KDM2A: variants seen among roughly 807,000 people sequenced by gnomAD.
The protein encoded by KDM2A is lysine demethylase 2A, also known as lysine-specific demethylase 2A.
A neutral mutation model predicts 137.3 loss-of-function variants in KDM2A; 3 were observed. That is an observed-to-expected ratio of 0.02 (90% confidence interval 0.01 to 0.06). KDM2A has a LOEUF of 0.06. Among genes scored for constraint, KDM2A ranks in the 10% least tolerant of loss-of-function variants. The pLI is 1.00. For missense variants in KDM2A, 738 were observed against 1,510.6 expected, an observed-to-expected ratio of 0.49 and a Z score of 8.48; for synonymous variants, 512 against 541.5, an observed-to-expected ratio of 0.95 and a Z score of 0.76.
At chr11:67,224,874 T>C (rs997641929) in intron 10 of KDM2A, among the ~76,000 whole-genome samples, 3 of 127,760 alleles carry the variant, frequency 2.3e-5, no homozygotes, top group Non-Finnish European at 3.2e-5. Context: ...AGAGTTTCGC[T>C]GCTGTTGTCC....
At chr11:67,214,222 T>TTTTTTTTTTG (rs1565407441) in intron 6 of KDM2A, among the ~76,000 whole-genome samples, 3 of 146,654 alleles carry the variant, frequency 2.0e-5, no homozygotes, top group African/African-American at 5.0e-5. Flanking sequence ...TTTTTTTTTT[T>TTTTTTTTTTG]GAGACGGAGT....
chr11:67,135,160 C>A (rs961366495), intron 2 of KDM2A, among the ~76,000 whole-genome samples: 76 of 151,264 alleles, frequency 5.0e-4, no homozygotes, highest in African/African-American at 1.7e-3. Flanking sequence ...CCTCCGCCTT[C>A]TGGGTTCAAG....
At chr11:67,196,017 C>A (rs865839217) in intron 5 of KDM2A, 8 of 411,550 alleles carry the variant, frequency 1.9e-5, no homozygotes, top group South Asian at 1.2e-4. Context: ...ACAAGAATTG[C>A]TAAATTTCTC....
intron 5 of KDM2A, among the ~76,000 whole-genome samples, chr11:67,193,069 A>C (rs1457159049): frequency 1.3e-5 from 2 of 152,106 alleles, no homozygotes; most frequent in African/African-American, 4.8e-5. Flanking sequence ...GGCTTACTGC[A>C]ACCTCCGCCT....
chr11:67,216,874 C>T (rs186903883), intron 8 of KDM2A, among the ~76,000 whole-genome samples: 25 of 146,244 alleles, frequency 1.7e-4, no homozygotes, highest in African/African-American at 4.8e-4. Flanking sequence ...GAGCTGAGAT[C>T]GCGCCATTGC....
chr11:67,233,479 C>A (rs12789637), intron 12 of KDM2A, among the ~76,000 whole-genome samples: 65,482 of 86,132 alleles, frequency 0.76, 27,631 homozygotes, highest in Non-Finnish European at 0.93. Context: ...TGGTAAAACC[C>A]CGTCTCTACT....
intron 5 of KDM2A, among the ~76,000 whole-genome samples, chr11:67,186,747 C>A (rs1047518872): frequency 2.0e-5 from 3 of 152,082 alleles, no homozygotes; most frequent in African/African-American, 7.2e-5. Flanking sequence ...TTATTTTGTA[C>A]ATAATTTGAG....
chr11:67,206,180 C>A (rs556797074), intron 5 of KDM2A, among the ~76,000 whole-genome samples: 4 of 152,180 alleles, frequency 2.6e-5, no homozygotes, highest in African/African-American at 9.7e-5. Context: ...TGTGTAATCC[C>A]AGCATTTTGG....
chr11:67,214,036 T>A (rs187463022), intron 6 of KDM2A, among the ~76,000 whole-genome samples: 6 of 150,948 alleles, frequency 4.0e-5, no homozygotes, highest in African/African-American at 1.2e-4. Context: ...CTGTTTTTTT[T>A]ATTTTATTTT....
At chr11:67,155,756 A>C (rs929168947) in intron 2 of KDM2A, among the ~76,000 whole-genome samples, 3 of 151,362 alleles carry the variant, frequency 2.0e-5, no homozygotes, top group Non-Finnish European at 4.4e-5. Context: ...AGCTGTGATT[A>C]CAGGCATGTG....
At chr11:67,168,502 G>T (rs1279087442) in intron 2 of KDM2A, among the ~76,000 whole-genome samples, 1 of 151,284 alleles carries the variant, frequency 6.6e-6, no homozygotes, top group East Asian at 1.9e-4. Flanking sequence ...CAGAGTGTCT[G>T]GCTATTTTTT....
intron 5 of KDM2A, among the ~76,000 whole-genome samples, chr11:67,200,395 T>A (rs1411402059): frequency 6.6e-6 from 1 of 152,066 alleles, no homozygotes; most frequent in East Asian, 1.9e-4. Context: ...TTTTTCGTAT[T>A]TTTAGTAGAG....
chr11:67,185,780 AGCAT>A (rs1857188325), intron 5 of KDM2A, among the ~76,000 whole-genome samples: 1 of 152,076 alleles, frequency 6.6e-6, no homozygotes, highest in South Asian at 2.1e-4. Context: ...CTGTTATAAA[AGCAT>A]GAGTTCGGCC....
intron 6 of KDM2A, among the ~76,000 whole-genome samples, chr11:67,214,687 G>T (rs896254586): frequency 6.6e-6 from 1 of 152,010 alleles, no homozygotes; most frequent in Non-Finnish European, 1.5e-5. Context: ...GCCCAGGCTG[G>T]TCTTAAACTC....
intron 12 of KDM2A, among the ~76,000 whole-genome samples, chr11:67,238,245 G>A (rs568904341): frequency 9.2e-5 from 14 of 152,260 alleles, no homozygotes; most frequent in Non-Finnish European, 1.8e-4. Context: ...CTGGGAGTGA[G>A]TTTCCTAGTG....
intron 2 of KDM2A, among the ~76,000 whole-genome samples, 158 bp from the exon 3 acceptor site, chr11:67,179,921 A>G (rs1250823028): frequency 1.3e-5 from 2 of 152,192 alleles, no homozygotes; most frequent in African/African-American, 4.8e-5. Flanking sequence ...GATTCTGAGA[A>G]TATCAGCTAT....
intron 2 of KDM2A, among the ~76,000 whole-genome samples, chr11:67,178,252 A>G (rs911316351): frequency 6.6e-6 from 1 of 152,036 alleles, no homozygotes; most frequent in African/African-American, 2.4e-5. Flanking sequence ...CTAAAAATAA[A>G]AAAATCAGCT....
At chr11:67,171,675 G>A (rs1252218057) in intron 2 of KDM2A, among the ~76,000 whole-genome samples, 3 of 152,234 alleles carry the variant, frequency 2.0e-5, no homozygotes, top group South Asian at 2.1e-4. Flanking sequence ...TCCATCATTC[G>A]TCTTAATTCT....
chr11:67,184,368 G>C (rs755362843), intron 5 of KDM2A, among the ~76,000 whole-genome samples: 4 of 152,058 alleles, frequency 2.6e-5, no homozygotes, highest in Non-Finnish European at 4.4e-5. Context: ...GGTGGTTGAC[G>C]CCTGTAATCC....
Sources: gnomAD v4.1 joint callset for allele counts (sites outside exome capture counted in the v4.1 genomes callset) on GRCh38, gnomAD v4.1.1 for gene constraint, MANE v1.5 for transcripts, NCBI Gene and HGNC (gene_info 2026-07-23, HGNC 2026-07-21) for gene names.